TMC2: variants seen among roughly 807,000 people sequenced by gnomAD.
TMC2 encodes the protein transmembrane channel-like protein 2.
In TMC2, 102 loss-of-function variants were observed where a neutral mutation model predicts 105.9. The observed-to-expected ratio is 0.96, with a 90% CI of 0.82 to 1.14. TMC2 has a LOEUF of 1.14. Ranked by LOEUF, TMC2 falls within the 50% of genes most tolerant of loss-of-function variation. The probability of loss-of-function intolerance (pLI) is 0.00; values close to 1 mark genes in which losing one functional copy is unlikely to be tolerated. For missense variants in TMC2, 1,093 were observed against 1,134.3 expected (o/e 0.96, Z 0.52); for synonymous variants, 402 against 422.8 (o/e 0.95, Z 0.60).
chr20:2,566,944 C>G (rs2086068424), intron 4 of TMC2, among the ~76,000 whole-genome samples: 2 of 152,228 alleles, frequency 1.3e-5, no homozygotes, highest in African/African-American at 4.8e-5. Context: ...AATAACTGTT[C>G]TCCAGCCAAA....
At chr20:2,553,800 G>GT (rs1216873476) in intron 2 of TMC2, among the ~76,000 whole-genome samples, 5 of 152,118 alleles carry the variant, frequency 3.3e-5, no homozygotes, top group African/African-American at 4.8e-5. Flanking sequence ...GGTAGATTGT[G>GT]TTTTTCCAGG....
chr20:2,597,675 T>C (rs1350270949), intron 10 of TMC2, among the ~76,000 whole-genome samples: 1 of 151,630 alleles, frequency 6.6e-6, no homozygotes, highest in Non-Finnish European at 1.5e-5. Flanking sequence ...TTTTTGTATT[T>C]TTAGTAGAGA....
At chr20:2,618,552 C>G (rs1180753862) in intron 16 of TMC2, among the ~76,000 whole-genome samples, 1 of 152,190 alleles carries the variant, frequency 6.6e-6, no homozygotes, top group Non-Finnish European at 1.5e-5. Flanking sequence ...CTTGACAGAC[C>G]TCAACTGAGC....
rs905314233 is a variant in TMC2 at position 2,583,620 on chromosome 20, G to A, written c.834+3564G>A. ...TGGGATTACAGGCATGTGCCGCCAC[G>A]CCCTGCTAATTTTTGTATTTTTAGT... On this transcript the variant is annotated intron_variant, in intron 7 of 19. Transcript: ENST00000358864. Among the ~76,000 whole-genome samples the A allele has an allele frequency of 7.9e-5, 12 of 152,026 alleles. 1 individual carries two copies. Among genetic ancestry groups the A allele is most frequent in the Admixed American group, 5.9e-4 (9 of 15,258 alleles).
intron 13 of TMC2, among the ~76,000 whole-genome samples, chr20:2,612,954 A>G (rs184354279): frequency 3.9e-5 from 6 of 152,340 alleles, no homozygotes; most frequent in Non-Finnish European, 5.9e-5. Flanking sequence ...ATCAATATCA[A>G]CTTCAAGAGG....
chr20:2,640,401 C>T (rs764262665), intron 19 of TMC2, among the ~76,000 whole-genome samples: 4 of 152,158 alleles, frequency 2.6e-5, no homozygotes, highest in Non-Finnish European at 5.9e-5. Flanking sequence ...GCTGCTGCAA[C>T]AAAGAGGCCC....
Position 2,641,554 on chromosome 20 carries a change from A to G in TMC2, c.*203A>G, listed in dbSNP as rs2086689854. The G allele has an allele frequency of 3.5e-6, 2 of 567,732 alleles. No individual in the cohort carries two copies. Among genetic ancestry groups the G allele is most frequent in the Non-Finnish European group, 6.3e-6 (2 of 317,520 alleles). 35.2% of individuals were successfully genotyped at this position (567,732 alleles called of 1,614,324 possible). ...AGTGGCTTCACCTGTCCTTTAGGGA[A>G]GCTGGAGCCATCTCTGCACTAACTG... On this transcript the variant is annotated 3_prime_UTR_variant, in exon 20 of 20. Transcript: ENST00000358864.
intron 4 of TMC2, 53 bp downstream of exon 4, chr20:2,562,063 A>G: frequency 6.4e-7 from 1 of 1,568,136 alleles, no homozygotes; most frequent in Non-Finnish European, 8.6e-7. Flanking sequence ...GCTCCTTCTG[A>G]TGGGAATGGG....
At chr20:2,636,573 C>T (rs1453229452) in intron 18 of TMC2, among the ~76,000 whole-genome samples, 2 of 151,676 alleles carry the variant, frequency 1.3e-5, no homozygotes, top group East Asian at 3.9e-4. Flanking sequence ...GAGTGAATTT[C>T]ATCTGTCTTG....
chr20:2,598,830 T>C (rs184819997), intron 10 of TMC2, among the ~76,000 whole-genome samples: 1 of 152,046 alleles, frequency 6.6e-6, no homozygotes, highest in Admixed American at 6.6e-5. Context: ...ATGTGACTGG[T>C]ATAAAAACAG....
At chr20:2,573,475 A>T (rs7262127) in intron 5 of TMC2, among the ~76,000 whole-genome samples, 3,176 of 151,998 alleles carry the variant, frequency 0.021, 104 homozygotes, top group African/African-American at 0.071. Context: ...GGTAGTATGT[A>T]AGAAAGCTAC....
At chr20:2,611,590 G>T (rs909047511) in intron 12 of TMC2, among the ~76,000 whole-genome samples, 4 of 152,136 alleles carry the variant, frequency 2.6e-5, no homozygotes, top group Non-Finnish European at 5.9e-5. Context: ...GTGTGATGTG[G>T]ATGCTCCTTT....
intron 7 of TMC2, among the ~76,000 whole-genome samples, chr20:2,586,000 G>T (rs1374816915): frequency 1.3e-5 from 2 of 152,158 alleles, no homozygotes; most frequent in Admixed American, 6.5e-5. Context: ...ACCAGAGGCA[G>T]GGATCATGTG....
chr20:2,638,797 G>T (rs1033064017), intron 19 of TMC2, among the ~76,000 whole-genome samples: 63 of 152,232 alleles, frequency 4.1e-4, no homozygotes, highest in African/African-American at 1.4e-3. Flanking sequence ...AAATATTTTT[G>T]TACAGGTGGT....
At chr20:2,594,148 C>G (rs2086287493) in intron 8 of TMC2, among the ~76,000 whole-genome samples, 1 of 151,882 alleles carries the variant, frequency 6.6e-6, no homozygotes, top group African/African-American at 2.4e-5. Flanking sequence ...CCATCCTTCA[C>G]TCTCAAAGTC....
rs1438592985 is a variant in TMC2, at chr20:2,616,175, G to C, written c.1911G>C (p.Leu637=). 6.2e-6 allele frequency: 10 copies of C among 1,613,470 alleles called. No homozygotes were observed. In the African/African-American group the frequency reaches 1.3e-4, roughly 22 times the overall value. ...YAEFDISGNV[L]GLIFNQGMIW... ...AGTTTGATATTAGTGGAAATGTGCT[G>C]GGTTTGATCTTCAACCAAGGAATGA... The change falls in exon 15 of 20, where the codon CTG becomes CTC. Residue 637 remains leucine, a synonymous_variant. Coordinates refer to ENST00000358864, the MANE Select transcript of TMC2 (RefSeq NM_080751.3). This position sits in a 1 kb window ranked among gnomAD's most constrained non-coding sequence, Gnocchi z 4.8.
intron 16 of TMC2, among the ~76,000 whole-genome samples, 166 bp from the exon 17 acceptor site, chr20:2,624,105 T>C (rs1600137986): frequency 6.6e-6 from 1 of 152,190 alleles, no homozygotes; most frequent in Non-Finnish European, 1.5e-5. Context: ...TGGCAGCCCC[T>C]CAGGGGGAAT....
intron 11 of TMC2, 68 bp downstream of exon 11, chr20:2,602,369 T>C: frequency 8.4e-7 from 1 of 1,187,044 alleles, no homozygotes; most frequent in Non-Finnish European, 1.1e-6. Context: ...TCCTATGCCA[T>C]TCATTTCATT....
At chr20:2,570,516 A>G (rs894977165) in intron 4 of TMC2, among the ~76,000 whole-genome samples, 19 of 150,096 alleles carry the variant, frequency 1.3e-4, no homozygotes, top group African/African-American at 4.7e-4. Flanking sequence ...AGGTAATACC[A>G]AAAAAAAATC....
Sources: allele counts gnomAD v4.1 joint callset (sites outside exome capture counted in the v4.1 genomes callset), GRCh38; gene constraint gnomAD v4.1.1; non-coding constraint Gnocchi (gnomAD v3.1); transcripts MANE v1.5; gene names NCBI Gene and HGNC (gene_info 2026-07-23, HGNC 2026-07-21).